Variants in MAGI1 observed in about 807,000 individuals in gnomAD.
MAGI1 encodes the protein membrane-associated guanylate kinase, WW and PDZ domain-containing protein 1.
MAGI1 carries 58 observed loss-of-function variants against 139.9 expected under a neutral mutation model. The observed-to-expected ratio is 0.41, with a 90% CI of 0.34 to 0.52. The LOEUF (loss-of-function observed/expected upper bound fraction) is 0.52, where lower values mean the gene tolerates loss of function less well. Among genes scored for constraint, MAGI1 ranks in the 20% least tolerant of loss-of-function variants. The pLI is 0.12. For missense variants in MAGI1, 1,874 were observed against 1,901.6 expected (o/e 0.99, Z 0.27); for synonymous variants, 812 against 737.9 (o/e 1.10, Z -1.63).
chr3:65,905,419 A>T (rs911518110), intron 1 of MAGI1, among the ~76,000 whole-genome samples: 2 of 132,946 alleles, frequency 1.5e-5, no homozygotes, highest in Admixed American at 7.4e-5. Flanking sequence ...ATCTCTATGA[A>T]ATATTTTTTT....
At chr3:65,535,368 C>T (rs896832590) in intron 2 of MAGI1, among the ~76,000 whole-genome samples, 4 of 152,140 alleles carry the variant, frequency 2.6e-5, no homozygotes, top group Non-Finnish European at 5.9e-5. Flanking sequence ...AAATGAGATG[C>T]CTTGTCTCTT....
intron 1 of MAGI1, among the ~76,000 whole-genome samples, chr3:65,708,293 A>C (rs558561131): frequency 1.3e-4 from 20 of 152,328 alleles, no homozygotes; most frequent in African/African-American, 4.8e-4. Flanking sequence ...CGCCAAAAGA[A>C]GAGGAAGGTT....
At chr3:65,360,001 T>G in intron 22 of MAGI1, 1 of 985,412 alleles carries the variant, frequency 1.0e-6, no homozygotes, top group Non-Finnish European at 1.2e-6. Context: ...GTTGTCAAAA[T>G]ACTTCCCCTG....
chr3:65,997,564 G>A (rs536404956), intron 1 of MAGI1, among the ~76,000 whole-genome samples: 59 of 152,268 alleles, frequency 3.9e-4, no homozygotes, highest in African/African-American at 1.3e-3. Context: ...GCTGAGGCAG[G>A]AGAATGGCAT....
intron 1 of MAGI1, among the ~76,000 whole-genome samples, chr3:65,897,959 T>C (rs973379074): frequency 3.9e-5 from 6 of 152,156 alleles, no homozygotes; most frequent in African/African-American, 1.4e-4. Flanking sequence ...CAGGGATCAC[T>C]TTTAAAGGCA....
chr3:65,469,787 T>A (rs1950436989), intron 5 of MAGI1: 2 of 151,498 alleles, frequency 1.3e-5, no homozygotes, highest in Non-Finnish European at 2.9e-5. Flanking sequence ...TTAGAGAAAA[T>A]GCATACAAAT....
chr3:65,439,822 T>C, intron 9 of MAGI1, 57 bp downstream of exon 9: 2 of 1,601,900 alleles, frequency 1.2e-6, no homozygotes, highest in Non-Finnish European at 1.7e-6. Flanking sequence ...GTGTCAGCGC[T>C]CAGATTTCAC....
At chr3:65,823,646 G>C (rs2042063778) in intron 1 of MAGI1, among the ~76,000 whole-genome samples, 1 of 152,172 alleles carries the variant, frequency 6.6e-6, no homozygotes, top group Non-Finnish European at 1.5e-5. Context: ...TTCTCCTGCA[G>C]TACTGACAGC....
chr3:65,799,466 A>T (rs2040374256), intron 1 of MAGI1, among the ~76,000 whole-genome samples: 1 of 152,214 alleles, frequency 6.6e-6, no homozygotes, highest in Non-Finnish European at 1.5e-5. Context: ...TACAAAAATT[A>T]CTGGAGAGTC....
chr3:65,616,224 G>T (rs1236698915), intron 2 of MAGI1, among the ~76,000 whole-genome samples: 9 of 152,104 alleles, frequency 5.9e-5, no homozygotes, highest in Admixed American at 5.9e-4. Context: ...AAGGACAGGT[G>T]TAAGCAGGCA....
At chr3:65,985,294 GACACCTTGT>G (rs2065823091) in intron 1 of MAGI1, among the ~76,000 whole-genome samples, 1 of 152,216 alleles carries the variant, frequency 6.6e-6, no homozygotes, top group Non-Finnish European at 1.5e-5. Context: ...CATTCAAGCT[GACACCTTGT>G]TCATGAATTT....
intron 2 of MAGI1, among the ~76,000 whole-genome samples, chr3:65,555,819 T>C (rs7639645): frequency 0.024 from 3,665 of 152,206 alleles, 130 homozygotes; most frequent in African/African-American, 0.083. Flanking sequence ...TTCATGCCAC[T>C]GCACACCAGC....
chr3:65,643,659 A>AAAC (rs368421465), intron 1 of MAGI1, among the ~76,000 whole-genome samples: 2,338 of 148,766 alleles, frequency 0.016, 53 homozygotes, highest in African/African-American at 0.053. Context: ...GGATGAAGGA[A>AAAC]AACAACAACA....
intron 1 of MAGI1, among the ~76,000 whole-genome samples, chr3:65,961,985 G>A (rs929096683): frequency 1.3e-5 from 2 of 152,154 alleles, no homozygotes; most frequent in African/African-American, 4.8e-5. Flanking sequence ...TCCAAATTGG[G>A]ACAGCTTCCA....
chr3:65,807,002 A>T (rs1012033009), intron 1 of MAGI1, among the ~76,000 whole-genome samples: 1 of 152,156 alleles, frequency 6.6e-6, no homozygotes. Context: ...CCTATTCAGT[A>T]CTCTACTCAG....
At chr3:65,907,008 T>C (rs887084771) in intron 1 of MAGI1, among the ~76,000 whole-genome samples, 1 of 151,560 alleles carries the variant, frequency 6.6e-6, no homozygotes, top group Non-Finnish European at 1.5e-5. Flanking sequence ...CTTTTGTCTC[T>C]AGCATTGATC....
chr3:65,640,370 T>C (rs1349853534), intron 1 of MAGI1, among the ~76,000 whole-genome samples: 5 of 152,184 alleles, frequency 3.3e-5, no homozygotes, highest in Admixed American at 2.6e-4. Context: ...AATTCACATA[T>C]GTATAAATGA....
chr3:65,925,521 T>C (rs548367853), intron 1 of MAGI1, among the ~76,000 whole-genome samples: 2 of 152,340 alleles, frequency 1.3e-5, no homozygotes, highest in South Asian at 2.1e-4. Flanking sequence ...TTGTTCACTA[T>C]AGTCACACAA....
intron 12 of MAGI1, among the ~76,000 whole-genome samples, chr3:65,405,984 C>T (rs961330769): frequency 3.3e-5 from 5 of 152,180 alleles, no homozygotes; most frequent in African/African-American, 1.2e-4. Flanking sequence ...CCTCAGCCTC[C>T]CAAAGTGCTG....
Sources: allele counts gnomAD v4.1 joint callset (sites outside exome capture counted in the v4.1 genomes callset), GRCh38; gene constraint gnomAD v4.1.1; transcripts MANE v1.5; gene names NCBI Gene and HGNC (gene_info 2026-07-23, HGNC 2026-07-21).